The following SPATA17 variants were observed in gnomAD, a reference collection of about 807,000 sequenced individuals.
The protein encoded by SPATA17 is spermatogenesis-associated protein 17.
In SPATA17, 53 loss-of-function variants were observed where a neutral mutation model predicts 62.2. The ratio of observed to expected loss-of-function variants is 0.85; its 90% CI spans 0.68 to 1.07. The LOEUF is 1.07. Among genes scored for constraint, SPATA17 ranks in the 50% least tolerant of loss-of-function variants. The pLI, the probability that SPATA17 is intolerant of heterozygous loss-of-function variation, is 0.00. For synonymous variants in SPATA17, 146 were observed against 146.8 expected, an observed-to-expected ratio of 0.99 and a Z score of 0.04; for missense variants, 466 against 425.5, an observed-to-expected ratio of 1.10 and a Z score of -0.84.
intron 9 of SPATA17, among the ~76,000 whole-genome samples, chr1:217,854,534 A>G (rs1258481849): frequency 1.3e-5 from 2 of 152,162 alleles, no homozygotes; most frequent in African/African-American, 2.4e-5. Flanking sequence ...GGTACTGGGA[A>G]CACAACAAAC....
chr1:217,698,517 TTCCTTTTAAAAAAAAAAGTTA>T (rs1671513572), intron 5 of SPATA17, among the ~76,000 whole-genome samples: 1 of 152,024 alleles, frequency 6.6e-6, no homozygotes, highest in Non-Finnish European at 1.5e-5. Flanking sequence ...GCCATTTTCT[TTCCTTTTAAAAAAAAAAGTTA>T]GCCTTTGCCT....
intron 5 of SPATA17, among the ~76,000 whole-genome samples, chr1:217,737,505 G>A (rs1324776344): frequency 1.3e-5 from 2 of 152,086 alleles, no homozygotes; most frequent in African/African-American, 4.8e-5. Flanking sequence ...TGTACCAGGA[G>A]GTCTCAGCTC....
At chr1:217,736,242 C>A (rs1050651499) in intron 5 of SPATA17, among the ~76,000 whole-genome samples, 2 of 152,094 alleles carry the variant, frequency 1.3e-5, no homozygotes, top group Admixed American at 1.3e-4. Flanking sequence ...TTTTTGCAGT[C>A]ACTTCTCTCT....
chr1:217,650,993 G>C, intron 2 of SPATA17, 104 bp from the exon 3 acceptor site: 1 of 809,726 alleles, frequency 1.2e-6, no homozygotes. Context: ...CATAAACTTG[G>C]CTTTGAATTT....
chr1:217,791,562 C>A (rs1041687364), intron 8 of SPATA17, among the ~76,000 whole-genome samples: 1 of 152,110 alleles, frequency 6.6e-6, no homozygotes, highest in Non-Finnish European at 1.5e-5. Flanking sequence ...TACTAGAATT[C>A]TATTCTTACA....
intron 7 of SPATA17, chr1:217,781,154 C>T (rs1316574113): frequency 1.3e-5 from 2 of 151,988 alleles, no homozygotes; most frequent in Admixed American, 1.3e-4. Context: ...GTAACTGGTT[C>T]CTATTATTGG....
chr1:217,731,493 C>A (rs1458531597), intron 5 of SPATA17, among the ~76,000 whole-genome samples: 1 of 152,114 alleles, frequency 6.6e-6, no homozygotes, highest in Non-Finnish European at 1.5e-5. Flanking sequence ...TCTAAAAATT[C>A]TTCTCTTTAT....
intron 9 of SPATA17, among the ~76,000 whole-genome samples, chr1:217,813,393 T>C (rs1009312594): frequency 2.0e-5 from 3 of 152,228 alleles, no homozygotes; most frequent in African/African-American, 7.2e-5. Context: ...GCCTCAGTTA[T>C]GGATAATTTT....
At position 217,683,245 on chromosome 1, in the gene SPATA17, T is replaced by C; in HGVS notation, c.292-13T>C. 2 of 1,559,818 alleles carry C rather than the reference T, an allele frequency of 1.3e-6. No individual in the cohort carries two copies. Among genetic ancestry groups the C allele is most frequent in the Non-Finnish European group, 1.7e-6 (2 of 1,143,894 alleles). On this transcript the variant is annotated splice_polypyrimidine_tract_variant and intron_variant, in intron 4 of 10. Coordinates refer to ENST00000366933, the MANE Select transcript of SPATA17 (RefSeq NM_138796.4). ...TTTAATGGCATATTTTATCTCTTTA[T>C]TTACTTTAATAGATTCAGAGACGAT...
intron 9 of SPATA17, among the ~76,000 whole-genome samples, chr1:217,825,292 TAAATAG>T (rs1389193411): frequency 6.6e-6 from 1 of 151,468 alleles, no homozygotes; most frequent in Non-Finnish European, 1.5e-5. Context: ...TGTATTCATA[TAAATAG>T]AAATATATTA....
intron 6 of SPATA17, among the ~76,000 whole-genome samples, chr1:217,750,588 T>C (rs1160474100): frequency 6.6e-6 from 1 of 152,216 alleles, no homozygotes; most frequent in Non-Finnish European, 1.5e-5. Context: ...GCAAACTTTT[T>C]CAGGAGTTGG....
chr1:217,678,755 G>C (rs1230549768), intron 4 of SPATA17, among the ~76,000 whole-genome samples: 2 of 152,102 alleles, frequency 1.3e-5, no homozygotes, highest in Admixed American at 6.5e-5. Flanking sequence ...TAGCTTAAGA[G>C]GTCATTTAGA....
At chr1:217,854,516 C>A (rs1314156780) in intron 9 of SPATA17, among the ~76,000 whole-genome samples, 2 of 152,006 alleles carry the variant, frequency 1.3e-5, no homozygotes, top group Non-Finnish European at 2.9e-5. Flanking sequence ...TGTTTCAGGC[C>A]CTGTGATGGT....
Position 217,683,258 on chromosome 1 carries a change from A to G in SPATA17, c.292A>G (p.Ile98Val), listed in dbSNP as rs752520409. 1 of 1,595,382 alleles carries G rather than the reference A, an allele frequency of 6.3e-7. No individual in the cohort carries two copies. Among genetic ancestry groups the G allele is most frequent in the Non-Finnish European group, 8.6e-7 (1 of 1,168,482 alleles). ...TTTATCTCTTTATTTACTTTAATAG[A>G]TTCAGAGACGATGGCGAGGCTATAG... ...MNLYNAMAVRIQRRWRGYRVR... is the reference protein window; with the variant it reads ...MNLYNAMAVRVQRRWRGYRVR... Residue 98 changes from isoleucine to valine, a missense_variant and splice_region_variant, in exon 5 of 11, where the codon ATT becomes GTT. Ile to Val is a conservative substitution (Grantham distance 29, BLOSUM62 3). Transcript: ENST00000366933.
intron 6 of SPATA17, among the ~76,000 whole-genome samples, chr1:217,756,954 T>G (rs1252878935): frequency 6.6e-6 from 1 of 152,240 alleles, no homozygotes; most frequent in Non-Finnish European, 1.5e-5. Context: ...CTTCGACATC[T>G]CATTCTTGAT....
chr1:217,743,735 G>C (rs1195959955), intron 6 of SPATA17, among the ~76,000 whole-genome samples: 2 of 151,948 alleles, frequency 1.3e-5, no homozygotes, highest in African/African-American at 4.8e-5. Flanking sequence ...TCAGCCTCCA[G>C]AGTAGCTGAG....
In SPATA17 at chr1:217,770,978, A is replaced by ATTTTTT. The variant is rs374042087; in HGVS notation, c.520-3331_520-3326dup. ...ATGTATCTATTATATAACTCATTGC[A>ATTTTTT]TTTTTTTTTTTTTTTTTTTTTTTTT... On this transcript the variant is annotated intron_variant, in intron 6 of 10. Transcript: ENST00000366933. 5.9e-3 allele frequency among the ~76,000 whole-genome samples: 295 copies of ATTTTTT among 50,042 alleles called. 11 individuals are homozygous for ATTTTTT. The highest frequency in any genetic ancestry group is 7.7e-3 in the African/African-American group (89 of 11,554). The allele number at this position is 50,042 out of a possible 152,430, so 32.8% of individuals were successfully genotyped here. A position where few individuals can be genotyped will look rare whatever the true frequency, so the allele number is the denominator to read the frequency against.
At chr1:217,700,081 A>G (rs1671556863) in intron 5 of SPATA17, among the ~76,000 whole-genome samples, 1 of 152,086 alleles carries the variant, frequency 6.6e-6, no homozygotes, top group Non-Finnish European at 1.5e-5. Context: ...AATAAACCTT[A>G]ACGTTGGGCA....
chr1:217,816,535 AAC>A lies in SPATA17; in HGVS notation c.1005+14689_1005+14690del, dbSNP rs1271447806. ...TAAAAACTTTCTGGTCATATTAACT[AAC>A]ACATAGCATAATGAAAAATAGATAA... On this transcript the variant is annotated intron_variant, in intron 9 of 10. Coordinates refer to ENST00000366933, the MANE Select transcript of SPATA17 (RefSeq NM_138796.4). Among the ~76,000 whole-genome samples the A allele has an allele frequency of 4.6e-5, 7 of 151,948 alleles. No homozygotes were observed. In the East Asian group the frequency reaches 1.4e-3, roughly 29 times the overall value.
Sources: gnomAD v4.1 joint callset for allele counts (sites outside exome capture counted in the v4.1 genomes callset) on GRCh38, gnomAD v4.1.1 for gene constraint, MANE v1.5 for transcripts, NCBI Gene and HGNC (gene_info 2026-07-23, HGNC 2026-07-21) for gene names.